Variants in ATP9A observed in about 807,000 individuals in gnomAD.
ATP9A encodes ATPase phospholipid transporting 9A.
A neutral mutation model predicts 144.1 loss-of-function variants in ATP9A; 52 were observed. The ratio of observed to expected loss-of-function variants is 0.36; its 90% CI spans 0.29 to 0.45. ATP9A has a LOEUF of 0.45. Ranked by LOEUF, ATP9A falls within the 20% of genes least tolerant of loss-of-function variation. The pLI, the probability that ATP9A is intolerant of heterozygous loss-of-function variation, is 1.00. For synonymous variants in ATP9A, 582 were observed against 557.4 expected (o/e 1.04, Z -0.62); for missense variants, 947 against 1,392.7 (o/e 0.68, Z 5.09).
chr20:51,654,503 T>C (rs2077379449), intron 14 of ATP9A, among the ~76,000 whole-genome samples: 2 of 150,500 alleles, frequency 1.3e-5, no homozygotes, highest in South Asian at 2.1e-4. Flanking sequence ...GGTACAAGAG[T>C]TAAATGTTTA....
chr20:51,759,835 T>A (rs936015827), intron 1 of ATP9A, among the ~76,000 whole-genome samples: 2 of 152,206 alleles, frequency 1.3e-5, no homozygotes, highest in African/African-American at 4.8e-5. Flanking sequence ...TTATAATTTC[T>A]GTATTTGCAA....
intron 11 of ATP9A, among the ~76,000 whole-genome samples, chr20:51,671,952 C>G (rs1255199803): frequency 1.3e-5 from 2 of 152,098 alleles, no homozygotes; most frequent in African/African-American, 4.8e-5. Context: ...GTGTGTGCCA[C>G]CACGCCGGGC....
At chr20:51,654,457 T>C (rs1368445059) in intron 14 of ATP9A, among the ~76,000 whole-genome samples, 2 of 150,034 alleles carry the variant, frequency 1.3e-5, no homozygotes, top group African/African-American at 2.5e-5. Flanking sequence ...CTTCCTAAAA[T>C]GGGTTAAAAA....
intron 4 of ATP9A, among the ~76,000 whole-genome samples, chr20:51,700,289 G>A (rs1479993446): frequency 6.6e-6 from 1 of 152,260 alleles, no homozygotes; most frequent in East Asian, 1.9e-4. Flanking sequence ...GGGAGGCTGA[G>A]ACAGGTGGAC....
At position 51,622,158 on chromosome 20, in the gene ATP9A, T is replaced by G; in HGVS notation, c.2031A>C (p.Thr677=). The G allele has an allele frequency of 6.2e-7, 1 of 1,614,094 alleles. No homozygotes were observed. The highest frequency in any genetic ancestry group is 8.5e-7 in the Non-Finnish European group (1 of 1,179,948). ...RNAGIKVWML[T]GDKLETATCT... is the part of the protein sequence containing the mutation. ...ACGTAGCTGTCTCCAGCTTGTCCCCTGTCAGCATCCAAACCTGAAATCATG... is the reference window on the plus strand; with the variant it reads ...ACGTAGCTGTCTCCAGCTTGTCCCCGGTCAGCATCCAAACCTGAAATCATG... Residue 677 remains threonine, a synonymous_variant, in exon 19 of 28, where the codon ACA becomes ACC. Transcript: ENST00000338821.
intron 14 of ATP9A, among the ~76,000 whole-genome samples, chr20:51,651,282 A>T (rs147587965): frequency 0.29 from 24,059 of 83,356 alleles, 4,474 homozygotes; most frequent in East Asian, 0.55. Context: ...ATATTTACAT[A>T]ATATATTATA....
At position 51,753,982 on chromosome 20, in the gene ATP9A, T is replaced by C. The variant is rs780047243; in HGVS notation, c.68+14320A>G. On this transcript the variant is annotated intron_variant, in intron 1 of 27. Transcript: ENST00000338821. The stretch of plus-strand genomic sequence containing the variant: ...CCACCATGCCCGGCCTGTTCTCTCA[T>C]TTTTTTTTACATAGATATGTACTCA... Among the ~76,000 whole-genome samples, 78 of 150,798 alleles carry C rather than the reference T, an allele frequency of 5.2e-4. 1 individual carries two copies. Among genetic ancestry groups the C allele is most frequent in the Admixed American group, 1.1e-3 (16 of 14,988 alleles).
At chr20:51,630,962 G>A (rs1440702593) in intron 15 of ATP9A, among the ~76,000 whole-genome samples, 1 of 152,066 alleles carries the variant, frequency 6.6e-6, no homozygotes, top group Admixed American at 6.6e-5. Context: ...TAACAGTATG[G>A]ACATCCACCT....
intron 3 of ATP9A, among the ~76,000 whole-genome samples, chr20:51,713,561 G>C (rs1027610128): frequency 1.3e-5 from 2 of 152,124 alleles, no homozygotes; most frequent in Admixed American, 1.3e-4. Flanking sequence ...CTTGCCCAAA[G>C]ACATAAAGCT....
At chr20:51,644,898 A>G (rs2077336038) in intron 14 of ATP9A, among the ~76,000 whole-genome samples, 1 of 152,158 alleles carries the variant, frequency 6.6e-6, no homozygotes, top group African/African-American at 2.4e-5. Flanking sequence ...AGATACACTA[A>G]TTCCCCAAAA....
chr20:51,750,454 G>A (rs1053632760), intron 1 of ATP9A, among the ~76,000 whole-genome samples: 1 of 152,144 alleles, frequency 6.6e-6, no homozygotes, highest in Admixed American at 6.6e-5. Flanking sequence ...ACAGAGCCTG[G>A]CTGGCAACCC....
At chr20:51,619,576 AGGGG>A (rs61359027) in intron 19 of ATP9A, among the ~76,000 whole-genome samples, 1 of 86,624 alleles carries the variant, frequency 1.2e-5, no homozygotes, top group Admixed American at 1.3e-4. Context: ...AAAAAAAAAA[AGGGG>A]GGGGGGGGCC....
intron 13 of ATP9A, among the ~76,000 whole-genome samples, chr20:51,661,653 G>T (rs1399052084): frequency 6.6e-6 from 1 of 151,034 alleles, no homozygotes; most frequent in African/African-American, 2.4e-5. Flanking sequence ...TTATAGGTGT[G>T]AGCCACTGCA....
Position 51,625,232 on chromosome 20 carries a change from A to G in ATP9A, c.1976T>C (p.Val659Ala), listed in dbSNP as rs776078343. The G allele has an allele frequency of 1.9e-6, 3 of 1,614,032 alleles. No individual in the cohort carries two copies. The highest frequency in any genetic ancestry group is 1.7e-6 in the Non-Finnish European group (2 of 1,180,022). The change falls in exon 18 of 28, where the codon GTG (valine) becomes GCG (alanine). Residue 659 changes from valine to alanine, a missense_variant. Physicochemically the swap from Val to Ala is moderately conservative, Grantham distance 64 (BLOSUM62 0). This residue lies in a region of ATP9A where 770 missense variants were observed against 1,047.9 expected (regional missense o/e 0.73). Transcript: ENST00000338821. ...TGVEDQLQAD[V>A]RPTLETLRNA... is the part of the protein sequence containing the mutation. The stretch of plus-strand genomic sequence containing the variant: ...CCTCAGGGTCTCCAGCGTGGGCCGC[A>G]CATCTGCCTGCAGCTGGTCCTCCAC...
intron 14 of ATP9A, among the ~76,000 whole-genome samples, chr20:51,643,580 C>T (rs981218745): frequency 1.2e-4 from 18 of 152,116 alleles, no homozygotes; most frequent in African/African-American, 4.1e-4. Flanking sequence ...GAAAAGAGGG[C>T]CTTTTATCAG....
At position 51,604,848 on chromosome 20, in the gene ATP9A, G is replaced by T. The variant is rs117205129; in HGVS notation, c.2976C>A (p.Ile992=). The change falls in exon 27 of 28, where the codon ATC becomes ATA. Residue 992 remains isoleucine, a synonymous_variant. Transcript: ENST00000338821. The part of the protein sequence containing the change: ...VAELLSLACY[I]ASLVFLHEFI... ...ACTCGTGTAAGAACACCAGGGAGGC[G>T]ATGTAGCAGGCCAGGCTGAGCAGCT... is the stretch of plus-strand genomic sequence containing the variant. The T allele has an allele frequency of 1.3e-6, 2 of 1,547,312 alleles. No homozygotes were observed. Among genetic ancestry groups the T allele is most frequent in the Non-Finnish European group, 1.7e-6 (2 of 1,144,830 alleles).
chr20:51,662,365 T>C (rs781703576), intron 13 of ATP9A, among the ~76,000 whole-genome samples: 1 of 151,490 alleles, frequency 6.6e-6, no homozygotes, highest in Admixed American at 6.6e-5. Flanking sequence ...GCCAACAGAG[T>C]GAAACCCAGT....
intron 13 of ATP9A, 52 bp downstream of exon 13, chr20:51,669,945 T>TAA (rs5841856): frequency 0.043 from 41,142 of 954,198 alleles, 10 homozygotes; most frequent in South Asian, 0.052. Context: ...ATATAGCTGT[T>TAA]AAAAAAAAAA....
intron 23 of ATP9A, among the ~76,000 whole-genome samples, chr20:51,613,089 C>T (rs1162715638): frequency 6.6e-6 from 1 of 152,198 alleles, no homozygotes; most frequent in African/African-American, 2.4e-5. Flanking sequence ...TCAGCCTCCC[C>T]ATCCGTAAAA....
Sources: gnomAD v4.1 joint callset for allele counts (sites outside exome capture counted in the v4.1 genomes callset) on GRCh38, gnomAD v4.1.1 for gene constraint, gnomAD v4.1.1 regional missense constraint, MANE v1.5 for transcripts, NCBI Gene and HGNC (gene_info 2026-07-23, HGNC 2026-07-21) for gene names.